Variants in NCOR1 observed in about 807,000 individuals in gnomAD.
NCOR1 encodes the protein protein phosphatase 1, regulatory subunit 109.
In NCOR1, 63 loss-of-function variants were observed where a neutral mutation model predicts 288.1. The ratio of observed to expected loss-of-function variants is 0.22; its 90% CI spans 0.18 to 0.27. NCOR1 has a LOEUF of 0.27. Ranked by LOEUF, NCOR1 falls within the 10% of genes least tolerant of loss-of-function variation. The pLI, the probability that NCOR1 is intolerant of heterozygous loss-of-function variation, is 1.00. For missense variants in NCOR1, 2,397 were observed against 3,019.2 expected, an observed-to-expected ratio of 0.79 and a Z score of 4.83; for synonymous variants, 1,007 against 1,065.9, an observed-to-expected ratio of 0.94 and a Z score of 1.08.
chr17:16,139,609 A>G (rs2076884287), intron 11 of NCOR1, among the ~76,000 whole-genome samples: 1 of 152,210 alleles, frequency 6.6e-6, no homozygotes, highest in East Asian at 1.9e-4. Flanking sequence ...TTACAGAACA[A>G]TAAATAGAAA....
At chr17:16,127,213 CTGTA>C (rs964467724) in intron 14 of NCOR1, among the ~76,000 whole-genome samples, 2 of 118,772 alleles carry the variant, frequency 1.7e-5, no homozygotes, top group African/African-American at 9.6e-5. Flanking sequence ...ATGTATATAT[CTGTA>C]TGTATATATA....
chr17:16,073,439 T>G lies in NCOR1; in HGVS notation c.3801A>C (p.Ala1267=). 2 of 1,603,032 alleles carry G rather than the reference T, an allele frequency of 1.2e-6. No homozygotes were observed. Among genetic ancestry groups the G allele is most frequent in the Non-Finnish European group, 1.7e-6 (2 of 1,175,354 alleles). Residue 1267 remains alanine, a synonymous_variant, in exon 28 of 46, where the codon GCA becomes GCC. Coordinates refer to ENST00000268712, the MANE Select transcript of NCOR1 (RefSeq NM_006311.4). The stretch of plus-strand genomic sequence containing the variant: ...AAAACAATGCTTTACCCTCTAACGG[T>G]GCTGATACAGGAGACTCCCTCATTG... ...GMSMRESPVS[A]PLEGLICRAL...
chr17:16,175,211 T>A (rs907046837), intron 3 of NCOR1, among the ~76,000 whole-genome samples: 1 of 151,890 alleles, frequency 6.6e-6, no homozygotes, highest in Non-Finnish European at 1.5e-5. Context: ...TACAAAAAAA[T>A]ACAAATGTTA....
chr17:16,101,848 G>C, intron 19 of NCOR1, 91 bp from the exon 20 acceptor site: 2 of 1,457,608 alleles, frequency 1.4e-6, no homozygotes, highest in Non-Finnish European at 1.9e-6. Context: ...TAATGAACAT[G>C]TTTCAGGTGG....
chr17:16,037,986 T>C (rs2056763816), intron 44 of NCOR1, among the ~76,000 whole-genome samples: 1 of 152,188 alleles, frequency 6.6e-6, no homozygotes, highest in Non-Finnish European at 1.5e-5. Flanking sequence ...ACCAGTCTTA[T>C]AACCTTAAAA....
At chr17:16,118,600 AACAC>A (rs1316569894) in intron 17 of NCOR1, among the ~76,000 whole-genome samples, 3 of 152,180 alleles carry the variant, frequency 2.0e-5, no homozygotes, top group Non-Finnish European at 4.4e-5. Context: ...CACACACATA[AACAC>A]ACACATACGT....
At chr17:16,152,480 A>G (rs2079033090) in intron 7 of NCOR1, among the ~76,000 whole-genome samples, 1 of 152,184 alleles carries the variant, frequency 6.6e-6, no homozygotes, top group African/African-American at 2.4e-5. Flanking sequence ...AAAGGACATG[A>G]ACTCATCCTT....
In NCOR1 at chr17:16,052,193, T is replaced by TC. The variant is rs1491515082; in HGVS notation, c.6393-3206_6393-3205insG. ...ACGCCTGGCTAATTTTTTGTATTTC[T>TC]TTTTTTTTTTTTAGTAGAAATGGGG... On this transcript the variant is annotated intron_variant, in intron 40 of 45. Transcript: ENST00000268712. Among the ~76,000 whole-genome samples, 24 of 140,302 alleles carry TC rather than the reference T, an allele frequency of 1.7e-4. No individual in the cohort carries two copies. The East Asian group carries it at 3.5e-3, about 21-fold the overall frequency. The allele number at this position is 140,302 out of a possible 152,430, so 92.0% of individuals were successfully genotyped here.
chr17:16,076,239 A>G (rs1480041075), intron 26 of NCOR1, among the ~76,000 whole-genome samples: 1 of 152,224 alleles, frequency 6.6e-6, no homozygotes, highest in African/African-American at 2.4e-5. Context: ...TAGACGATGA[A>G]AATTATGTTA....
intron 3 of NCOR1, among the ~76,000 whole-genome samples, chr17:16,176,167 C>T (rs898826363): frequency 4.0e-5 from 6 of 151,820 alleles, no homozygotes; most frequent in African/African-American, 1.2e-4. Flanking sequence ...TGCAGTGAGC[C>T]GAGATCGCAT....
chr17:16,199,373 T>C (rs1183496537), intron 1 of NCOR1, among the ~76,000 whole-genome samples: 4 of 152,152 alleles, frequency 2.6e-5, no homozygotes, highest in Admixed American at 1.3e-4. Context: ...ATCCATGAGA[T>C]ACACGGCAAC....
chr17:16,041,862 G>A (rs1477976177), intron 42 of NCOR1, among the ~76,000 whole-genome samples: 1 of 151,886 alleles, frequency 6.6e-6, no homozygotes, highest in Admixed American at 6.6e-5. Flanking sequence ...TCAGCCCCCC[G>A]AGTGGCTGGG....
chr17:16,045,515 T>G (rs1294841203), intron 42 of NCOR1, among the ~76,000 whole-genome samples: 1 of 152,184 alleles, frequency 6.6e-6, no homozygotes, highest in Non-Finnish European at 1.5e-5. Context: ...TTTTATTAAT[T>G]TATTATTTTT....
intron 1 of NCOR1, among the ~76,000 whole-genome samples, chr17:16,200,388 T>C (rs2090610403): frequency 6.8e-6 from 1 of 147,342 alleles, no homozygotes; most frequent in Admixed American, 6.9e-5. Flanking sequence ...TCCCAGCTAC[T>C]CGAGAGGCTG....
intron 9 of NCOR1, among the ~76,000 whole-genome samples, chr17:16,147,797 T>C (rs1568327765): frequency 6.6e-6 from 1 of 152,208 alleles, no homozygotes; most frequent in African/African-American, 2.4e-5. Context: ...CTCCCATGCA[T>C]TCTTAATGTT....
intron 3 of NCOR1, among the ~76,000 whole-genome samples, chr17:16,185,785 G>C (rs2086560052): frequency 6.6e-6 from 1 of 150,486 alleles, no homozygotes; most frequent in African/African-American, 2.4e-5. Flanking sequence ...GGGCAACATG[G>C]CGAAATCCTA....
intron 31 of NCOR1, 146 bp downstream of exon 31, chr17:16,070,019 C>T: frequency 1.0e-6 from 1 of 998,814 alleles, no homozygotes; most frequent in Non-Finnish European, 1.4e-6. Flanking sequence ...AATTAGTAGC[C>T]TTCCATACTC....
intron 40 of NCOR1, among the ~76,000 whole-genome samples, chr17:16,051,465 G>A (rs1442949583): frequency 3.9e-5 from 6 of 152,232 alleles, no homozygotes; most frequent in African/African-American, 1.4e-4. Context: ...AAGATACAAC[G>A]TACCAGAATC....
intron 40 of NCOR1, among the ~76,000 whole-genome samples, chr17:16,055,984 G>T (rs1012788871): frequency 3.9e-5 from 6 of 152,174 alleles, no homozygotes; most frequent in African/African-American, 1.4e-4. Context: ...CATACACTGA[G>T]GATTACCAAA....
Sources: allele counts gnomAD v4.1 joint callset (sites outside exome capture counted in the v4.1 genomes callset), GRCh38; gene constraint gnomAD v4.1.1; transcripts MANE v1.5; gene names NCBI Gene and HGNC (gene_info 2026-07-23, HGNC 2026-07-21).